CXXC4: variants seen among roughly 807,000 people sequenced by gnomAD.
The protein encoded by CXXC4 is CXXC finger protein 4, also known as CXXC-type zinc finger protein 4.
CXXC4 carries 5 observed loss-of-function variants against 20.5 expected under a neutral mutation model. That is an observed-to-expected ratio of 0.24 (90% CI 0.13 to 0.51). The LOEUF (loss-of-function observed/expected upper bound fraction) is 0.51, where lower values mean the gene tolerates loss of function less well. Among genes scored for constraint, CXXC4 ranks in the 20% least tolerant of loss-of-function variants. The probability of loss-of-function intolerance (pLI) is 0.97; values close to 1 mark genes in which losing one functional copy is unlikely to be tolerated. For missense variants in CXXC4, 419 were observed against 496.4 expected, an observed-to-expected ratio of 0.84 and a Z score of 1.48; for synonymous variants, 250 against 216.4, an observed-to-expected ratio of 1.16 and a Z score of -1.36.
chr4:104,487,938 C>T (rs1242508193), intron 2 of CXXC4, among the ~76,000 whole-genome samples: 1 of 152,004 alleles, frequency 6.6e-6, no homozygotes, highest in Non-Finnish European at 1.5e-5. Flanking sequence ...GGATGAGAGT[C>T]CCAACATATC....
In CXXC4 at chr4:104,490,774, C is replaced by T. The variant is rs1399552108; in HGVS notation, c.1029G>A (p.Glu343=). 1.2e-6 allele frequency: 2 copies of T among 1,613,892 alleles called. No homozygotes were observed. The highest frequency in any genetic ancestry group is 2.2e-5 in the East Asian group (1 of 44,888). The change falls in exon 2 of 3, where the codon GAG becomes GAA. Residue 343 remains glutamate (E), a synonymous_variant. Coordinates refer to ENST00000394767, the MANE Select transcript of CXXC4 (RefSeq NM_025212.4). ...HQICKFRKCE[E]LKKKPGTSLE... is the part of the protein sequence containing the mutation. ...GTGAAGTGCCAGGTTTTTTCTTTAG[C>T]TCTTCACATTTTCTAAATTTGCAGA...
At chr4:104,484,317 A>T (rs1736630486) in intron 2 of CXXC4, among the ~76,000 whole-genome samples, 1 of 152,056 alleles carries the variant, frequency 6.6e-6, no homozygotes, top group Non-Finnish European at 1.5e-5. Context: ...TTGTTCAACT[A>T]TTAAGTTACT....
chr4:104,480,925 CCTTCCTTCCCTTCTTA>C (rs1478875858), intron 2 of CXXC4, among the ~76,000 whole-genome samples: 3 of 140,904 alleles, frequency 2.1e-5, no homozygotes, highest in Non-Finnish European at 4.6e-5. Context: ...ATCCTTTCTT[CCTTCCTTCCCTTCTTA>C]CTTTCTTCCA....
At chr4:104,494,393 C>T (rs1176056556) in intron 1 of CXXC4, 1 of 152,022 alleles carries the variant, frequency 6.6e-6, no homozygotes, top group East Asian at 1.9e-4. Flanking sequence ...ATTAATACAG[C>T]GACGCTTTTT....
rs1380760050 is a variant in CXXC4, at chr4:104,469,289, T to C, written c.*3033A>G. ...TGAAAAGGAAATTGGCTCACTGCACTATGTATCAACGCCTCAAGTATTTAC... is the reference window on the plus strand; with the variant it reads ...TGAAAAGGAAATTGGCTCACTGCACCATGTATCAACGCCTCAAGTATTTAC... On this transcript the variant is annotated 3_prime_UTR_variant, in exon 3 of 3. Coordinates refer to ENST00000394767, the MANE Select transcript of CXXC4 (RefSeq NM_025212.4). 1.3e-5 allele frequency: 2 copies of C among 152,178 alleles called. No individual in the cohort carries two copies. The highest frequency in any genetic ancestry group is 2.1e-4 in the South Asian group (1 of 4,814). 9.4% of individuals were successfully genotyped at this position (152,178 alleles called of 1,614,324 possible).
At chr4:104,481,509 G>A (rs1736556998) in intron 2 of CXXC4, among the ~76,000 whole-genome samples, 1 of 151,556 alleles carries the variant, frequency 6.6e-6, no homozygotes, top group Non-Finnish European at 1.5e-5. Context: ...CTCCAGACTG[G>A]CCAACAGACC....
At chr4:104,479,197 T>G (rs1736494646) in intron 2 of CXXC4, among the ~76,000 whole-genome samples, 1 of 152,108 alleles carries the variant, frequency 6.6e-6, no homozygotes, top group Non-Finnish European at 1.5e-5. Context: ...CGTATTAACT[T>G]TATCCCTTTT....
chr4:104,491,134 T>C lies in CXXC4; in HGVS notation c.669A>G (p.Glu223=), dbSNP rs767346409. The part of the protein sequence containing the change: ...CMNKLKCGAA[E]AEIMNLPERV... ...GCTCGGGGAGATTCATTATCTCTGC[T>C]TCAGCAGCGCCGCATTTGAGCTTGT... The change falls in exon 2 of 3, where the codon GAA becomes GAG. Residue 223 remains glutamate, a synonymous_variant. Transcript: ENST00000394767. 34 of 1,613,988 alleles carry C rather than the reference T, an allele frequency of 2.1e-5. No individual in the cohort carries two copies. The highest frequency in any genetic ancestry group is 2.8e-5 in the Non-Finnish European group (33 of 1,180,026).
In CXXC4 at chr4:104,491,385, C is replaced by A. The variant is rs773044525; in HGVS notation, c.418G>T (p.Ala140Ser). The A allele has an allele frequency of 1.5e-6, 2 of 1,320,528 alleles. No homozygotes were observed. The highest frequency in any genetic ancestry group is 1.6e-5 in the African/African-American group (1 of 64,302). The allele number at this position is 1,320,528 out of a possible 1,614,324, so 81.8% of individuals were successfully genotyped here. A position where few individuals can be genotyped will look rare whatever the true frequency, so the allele number is the denominator to read the frequency against. The part of the protein sequence containing the change: ...GGGGGRKSSS[A>S]AASSSASSSS... ...GAGGAGGCGGAGGAGGAGGCGGCGG[C>A]GGAGGAGGATTTCCTGCCGCCCCCA... The change falls in exon 2 of 3, where the codon GCC becomes TCC. Residue 140 changes from alanine (A) to serine (S), a missense_variant. Coordinates refer to ENST00000394767, the MANE Select transcript of CXXC4 (RefSeq NM_025212.4).
At chr4:104,483,739 GA>G (rs1294792397) in intron 2 of CXXC4, among the ~76,000 whole-genome samples, 1 of 150,990 alleles carries the variant, frequency 6.6e-6, no homozygotes, top group African/African-American at 2.4e-5. Flanking sequence ...CTGTGTCTTG[GA>G]AAAAAAAGTC....
At chr4:104,490,179 T>C (rs1383607915) in intron 2 of CXXC4, among the ~76,000 whole-genome samples, 1 of 152,168 alleles carries the variant, frequency 6.6e-6, no homozygotes, top group Non-Finnish European at 1.5e-5. Flanking sequence ...TAGAAAACAT[T>C]CTGCCTTGAT....
intron 2 of CXXC4, among the ~76,000 whole-genome samples, chr4:104,472,970 A>T (rs992514381): frequency 6.6e-6 from 1 of 151,910 alleles, no homozygotes; most frequent in African/African-American, 2.4e-5. Context: ...ACTATGATTG[A>T]ATTACTCTGT....
In CXXC4 at chr4:104,472,291, A is replaced by C; in HGVS notation, c.*31T>G. ...AGACATTAGTTTGCCCTTCATTTCC[A>C]AATGCCTTGAAAATAAGATATACTA... On this transcript the variant is annotated 3_prime_UTR_variant, in exon 3 of 3. Transcript: ENST00000394767. 2.6e-6 allele frequency: 4 copies of C among 1,521,090 alleles called. No homozygotes were observed. The highest frequency in any genetic ancestry group is 3.6e-6 in the Non-Finnish European group (4 of 1,112,274). The allele number at this position is 1,521,090 out of a possible 1,614,324, so 94.2% of individuals were successfully genotyped here.
At chr4:104,476,376 T>C (rs1311619619) in intron 2 of CXXC4, among the ~76,000 whole-genome samples, 2 of 152,176 alleles carry the variant, frequency 1.3e-5, no homozygotes, top group Non-Finnish European at 2.9e-5. Flanking sequence ...CATCTACATA[T>C]TCTTGTTAGA....
At chr4:104,484,250 T>C (rs1196135012) in intron 2 of CXXC4, among the ~76,000 whole-genome samples, 1 of 152,028 alleles carries the variant, frequency 6.6e-6, no homozygotes, top group Admixed American at 6.6e-5. Flanking sequence ...TTGATATTAC[T>C]TTCATCTTAT....
chr4:104,481,880 T>C (rs1736567644), intron 2 of CXXC4, among the ~76,000 whole-genome samples: 1 of 152,208 alleles, frequency 6.6e-6, no homozygotes, highest in South Asian at 2.1e-4. Flanking sequence ...ATACGCTATT[T>C]GTAAAAACAT....
rs529993445 is a variant in CXXC4, at chr4:104,468,717, A to G, written c.*3605T>C. 235 of 151,208 alleles carry G rather than the reference A, an allele frequency of 1.6e-3. 1 individual carries two copies. The highest frequency in any genetic ancestry group is 5.4e-3 in the African/African-American group (225 of 41,460). 9.4% of individuals were successfully genotyped at this position (151,208 alleles called of 1,614,324 possible). ...AAATTTAATAAAAAAAAAAAAACTGAAACATTTAGCTGTTACATGAGAACC... is the reference window on the plus strand; with the variant it reads ...AAATTTAATAAAAAAAAAAAAACTGGAACATTTAGCTGTTACATGAGAACC... On this transcript the variant is annotated 3_prime_UTR_variant, in exon 3 of 3. Transcript: ENST00000394767.
chr4:104,492,022 G>T lies in CXXC4; in HGVS notation c.-220C>A. 1 of 388,576 alleles carries T rather than the reference G, an allele frequency of 2.6e-6. No individual in the cohort carries two copies. The highest frequency in any genetic ancestry group is 4.6e-6 in the Non-Finnish European group (1 of 219,326). 24.1% of individuals were successfully genotyped at this position (388,576 alleles called of 1,614,324 possible). A position where few individuals can be genotyped will look rare whatever the true frequency, so the allele number is the denominator to read the frequency against. On this transcript the variant is annotated 5_prime_UTR_variant, in exon 2 of 3. Coordinates refer to ENST00000394767, the MANE Select transcript of CXXC4 (RefSeq NM_025212.4). ...ATTTCCACAGACGGTGAATTCCCAG[G>T]CAGCGTCTTCCTTTGCATTATCCTC...
chr4:104,490,705 AG>A, intron 2 of CXXC4, 38 bp downstream of exon 2: 2 of 1,531,512 alleles, frequency 1.3e-6, no homozygotes, highest in South Asian at 1.2e-5. Context: ...TGAGGAGGGA[AG>A]GGGGGAGACT....
Sources: allele counts gnomAD v4.1 joint callset (sites outside exome capture counted in the v4.1 genomes callset), GRCh38; gene constraint gnomAD v4.1.1; transcripts MANE v1.5; gene names NCBI Gene and HGNC (gene_info 2026-07-23, HGNC 2026-07-21).